FYB1: variants seen among roughly 807,000 people sequenced by gnomAD.
FYB1 encodes FYN binding protein 1, also known as FYN-binding protein 1.
A neutral mutation model predicts 94.1 loss-of-function variants in FYB1; 41 were observed. The ratio of observed to expected loss-of-function variants is 0.44; its 90% confidence interval spans 0.34 to 0.57. FYB1 has a LOEUF of 0.57. FYB1 is among the 20% of genes least tolerant of loss of function. The pLI is 0.02. For synonymous variants in FYB1, 367 were observed against 353.2 expected (o/e 1.04, Z -0.44); for missense variants, 1,050 against 976.8 (o/e 1.07, Z -1.00).
At chr5:39,233,673 T>A (rs1304574041) in intron 1 of FYB1, among the ~76,000 whole-genome samples, 1 of 152,180 alleles carries the variant, frequency 6.6e-6, no homozygotes, top group Non-Finnish European at 1.5e-5. Context: ...CAAATGTGTT[T>A]AATGCCTGGC....
chr5:39,125,540 T>C (rs959561766), intron 12 of FYB1, among the ~76,000 whole-genome samples: 2 of 152,196 alleles, frequency 1.3e-5, no homozygotes, highest in South Asian at 4.1e-4. Context: ...ATGTTCTTTA[T>C]TTCAAACTAT....
chr5:39,228,527 G>A (rs113864211), intron 1 of FYB1, among the ~76,000 whole-genome samples: 2,008 of 148,738 alleles, frequency 0.014, 18 homozygotes, highest in Non-Finnish European at 0.021. Flanking sequence ...GTCACCTATA[G>A]TAATGTGTTG....
intron 2 of FYB1, among the ~76,000 whole-genome samples, chr5:39,181,102 A>G (rs1746180983): frequency 1.3e-5 from 2 of 152,168 alleles, no homozygotes; most frequent in Non-Finnish European, 2.9e-5. Context: ...AACTCATGAT[A>G]CATATGGATT....
intron 2 of FYB1, among the ~76,000 whole-genome samples, chr5:39,159,751 T>A (rs1054946769): frequency 3.9e-5 from 6 of 152,178 alleles, no homozygotes; most frequent in African/African-American, 1.4e-4. Flanking sequence ...ACAATGGCAT[T>A]TTAGTTCCCA....
At chr5:39,115,982 A>G (rs1739527497) in intron 16 of FYB1, among the ~76,000 whole-genome samples, 1 of 152,142 alleles carries the variant, frequency 6.6e-6, no homozygotes, top group South Asian at 2.1e-4. Flanking sequence ...AATATCCTGA[A>G]TTACTCCCTA....
At chr5:39,236,192 T>C (rs1484631541) in intron 1 of FYB1, among the ~76,000 whole-genome samples, 1 of 152,024 alleles carries the variant, frequency 6.6e-6, no homozygotes, top group South Asian at 2.1e-4. Flanking sequence ...TAACACACCA[T>C]TTCCTTTGCT....
At chr5:39,265,236 T>G (rs1327380388) in intron 1 of FYB1, among the ~76,000 whole-genome samples, 1 of 151,706 alleles carries the variant, frequency 6.6e-6, no homozygotes, top group Admixed American at 6.6e-5. Context: ...AATCCCAGCA[T>G]TCTGGGAGGC....
intron 1 of FYB1, among the ~76,000 whole-genome samples, chr5:39,259,418 C>T (rs556933497): frequency 6.6e-6 from 1 of 152,296 alleles, no homozygotes; most frequent in African/African-American, 2.4e-5. Context: ...TCCAGATGTT[C>T]ATGTAGATCT....
chr5:39,134,118 T>C, intron 9 of FYB1, 90 bp downstream of exon 9: 1 of 949,398 alleles, frequency 1.1e-6, no homozygotes, highest in South Asian at 2.0e-5. Flanking sequence ...GCAGTAGGAG[T>C]TATGGAGGGT....
chr5:39,158,295 C>T (rs1290600562), intron 2 of FYB1, among the ~76,000 whole-genome samples: 1 of 152,228 alleles, frequency 6.6e-6, no homozygotes, highest in East Asian at 1.9e-4. Flanking sequence ...AGCACCGGGG[C>T]CATTTTATCA....
chr5:39,167,732 C>T lies in FYB1; in HGVS notation c.1136-14128G>A, dbSNP rs569786343. On this transcript the variant is annotated intron_variant, in intron 2 of 18. Transcript: ENST00000512982. Reference sequence around the variant, plus strand: ...GGACAGAGATCTAAAAGTAGAATTGCTGAGATGAAAGATTTGCATATTTTA... The same window carrying T: ...GGACAGAGATCTAAAAGTAGAATTGTTGAGATGAAAGATTTGCATATTTTA... Among the ~76,000 whole-genome samples, 6 of 152,296 alleles carry T rather than the reference C, an allele frequency of 3.9e-5. No homozygotes were observed. In the East Asian group the frequency reaches 9.6e-4, roughly 24 times the overall value.
At chr5:39,137,544 G>T in intron 7 of FYB1, 56 bp downstream of exon 7, 3 of 1,505,684 alleles carry the variant, frequency 2.0e-6, no homozygotes, top group South Asian at 2.6e-5. Context: ...TACCCCTTTT[G>T]TGTGAAAGGT....
chr5:39,231,948 G>A (rs902073814), intron 1 of FYB1, among the ~76,000 whole-genome samples: 3 of 152,050 alleles, frequency 2.0e-5, no homozygotes, highest in Non-Finnish European at 4.4e-5. Flanking sequence ...ACATAGTGAA[G>A]AGACTTAAAA....
chr5:39,195,613 A>G (rs577403333), intron 2 of FYB1, among the ~76,000 whole-genome samples: 90 of 152,342 alleles, frequency 5.9e-4, no homozygotes, highest in Middle Eastern at 6.8e-3. Flanking sequence ...GTTGCTGTCA[A>G]GGTGCTTAAC....
At chr5:39,266,844 C>G (rs1413503507) in intron 1 of FYB1, among the ~76,000 whole-genome samples, 1 of 152,162 alleles carries the variant, frequency 6.6e-6, no homozygotes, top group Non-Finnish European at 1.5e-5. Flanking sequence ...GACAGCTGAT[C>G]CTCAAGCCTA....
At chr5:39,269,248 A>T (rs1752566936) in intron 1 of FYB1, among the ~76,000 whole-genome samples, 1 of 151,718 alleles carries the variant, frequency 6.6e-6, no homozygotes, top group Admixed American at 6.6e-5. Flanking sequence ...GCGGGGTTTC[A>T]CCGTGTTAGC....
intron 2 of FYB1, among the ~76,000 whole-genome samples, chr5:39,181,565 G>A (rs904416281): frequency 2.2e-4 from 34 of 152,084 alleles, no homozygotes; most frequent in Admixed American, 2.1e-3. Flanking sequence ...TGAGCTCTGG[G>A]CCCTTGCACT....
chr5:39,135,336 T>A (rs1741588595), intron 7 of FYB1, among the ~76,000 whole-genome samples: 1 of 152,228 alleles, frequency 6.6e-6, no homozygotes, highest in African/African-American at 2.4e-5. Flanking sequence ...TGTACAACAA[T>A]CCATGCTGTG....
intron 2 of FYB1, among the ~76,000 whole-genome samples, chr5:39,176,640 C>T (rs866390348): frequency 5.3e-5 from 8 of 152,072 alleles, no homozygotes; most frequent in African/African-American, 1.7e-4. Context: ...TTTAAAAGTG[C>T]CAATCTTTAA....
Sources: gnomAD v4.1 joint callset for allele counts (sites outside exome capture counted in the v4.1 genomes callset) on GRCh38, gnomAD v4.1.1 for gene constraint, MANE v1.5 for transcripts, NCBI Gene and HGNC (gene_info 2026-07-23, HGNC 2026-07-21) for gene names.